The following SEM1 variants were observed in gnomAD, a reference collection of about 807,000 sequenced individuals.
SEM1 encodes SEM1 26S proteasome subunit, also known as 26S proteasome complex subunit SEM1.
In SEM1, 3 loss-of-function variants were observed where a neutral mutation model predicts 12.7. The observed-to-expected ratio is 0.24, with a 90% CI of 0.11 to 0.61. The LOEUF (loss-of-function observed/expected upper bound fraction) is 0.61. Among genes scored for constraint, SEM1 ranks in the 20% least tolerant of loss-of-function variants. The probability of loss-of-function intolerance (pLI) is 0.88; values close to 1 mark genes in which losing one functional copy is unlikely to be tolerated. For synonymous variants in SEM1, 30 were observed against 27.8 expected, an observed-to-expected ratio of 1.08 and a Z score of -0.25; for missense variants, 59 against 81.3, an observed-to-expected ratio of 0.73 and a Z score of 1.06.
At chr7:96,626,148 CA>C (rs1353181868) in intron 2 of SEM1, among the ~76,000 whole-genome samples, 1 of 152,050 alleles carries the variant, frequency 6.6e-6, no homozygotes, top group Non-Finnish European at 1.5e-5. Flanking sequence ...ACACATTAAC[CA>C]TCCCACCTCC....
At chr7:96,612,717 G>A (rs1430015190) in intron 2 of SEM1, among the ~76,000 whole-genome samples, 1 of 152,076 alleles carries the variant, frequency 6.6e-6, no homozygotes, top group Non-Finnish European at 1.5e-5. Flanking sequence ...CTCACTGCAA[G>A]CTCTGCCTCC....
At chr7:96,628,268 C>T (rs1344871200) in intron 2 of SEM1, among the ~76,000 whole-genome samples, 1 of 151,988 alleles carries the variant, frequency 6.6e-6, no homozygotes, top group African/African-American at 2.4e-5. Flanking sequence ...GTACTTACTC[C>T]TGCCATTTTG....
chr7:96,484,702 G>T, intron 3 of SEM1: 1 of 430,758 alleles, frequency 2.3e-6, no homozygotes, highest in Non-Finnish European at 4.1e-6. Context: ...ACCAAAAAGC[G>T]CCTCCCAAAT....
At chr7:96,524,352 A>G (rs1022258449) in intron 2 of SEM1, among the ~76,000 whole-genome samples, 41 of 152,192 alleles carry the variant, frequency 2.7e-4, no homozygotes, top group African/African-American at 9.6e-4. Context: ...TATTTGCATT[A>G]TGCAATATGG....
At chr7:96,666,200 G>A (rs1789167538) in intron 2 of SEM1, among the ~76,000 whole-genome samples, 1 of 152,128 alleles carries the variant, frequency 6.6e-6, no homozygotes, top group South Asian at 2.1e-4. Flanking sequence ...TTTTCCCAGT[G>A]TATGCATCAT....
At chr7:96,547,423 C>T (rs1309979313) in intron 2 of SEM1, among the ~76,000 whole-genome samples, 1 of 152,048 alleles carries the variant, frequency 6.6e-6, no homozygotes, top group Non-Finnish European at 1.5e-5. Flanking sequence ...CATTCATGGT[C>T]CAAAGGCAAA....
chr7:96,489,477 T>C (rs1251167765), intron 1 of SEM1, among the ~76,000 whole-genome samples: 1 of 152,194 alleles, frequency 6.6e-6, no homozygotes, highest in Non-Finnish European at 1.5e-5. Context: ...GTGATGGGTC[T>C]AAAACATTAG....
intron 2 of SEM1, 126 bp from the exon 3 acceptor site, chr7:96,689,092 G>C: frequency 1.9e-6 from 1 of 515,990 alleles, no homozygotes; most frequent in South Asian, 3.4e-5. Flanking sequence ...CCACTGAATA[G>C]TTTTACTTTT....
downstream of SEM1, among the ~76,000 whole-genome samples, chr7:96,617,632 G>T (rs1282209888): frequency 6.6e-6 from 1 of 152,116 alleles, no homozygotes; most frequent in African/African-American, 2.4e-5. Context: ...TAGAGAGAAT[G>T]CTTTCAACTT....
At chr7:96,702,809 C>CT (rs1790310138) in intron 1 of SEM1, among the ~76,000 whole-genome samples, 1 of 152,110 alleles carries the variant, frequency 6.6e-6, no homozygotes, top group Non-Finnish European at 1.5e-5. Context: ...GAATAATGTT[C>CT]CACCTAAAAA....
chr7:96,654,971 G>A (rs1809130612), intron 2 of SEM1, among the ~76,000 whole-genome samples: 1 of 152,186 alleles, frequency 6.6e-6, no homozygotes, highest in African/African-American at 2.4e-5. Context: ...TCCCTTGGCA[G>A]TATAGGGAGA....
intron 2 of SEM1, among the ~76,000 whole-genome samples, chr7:96,530,673 A>ATTCCTAAGCAGG (rs1166545055): frequency 2.6e-5 from 4 of 152,122 alleles, no homozygotes; most frequent in Admixed American, 2.6e-4. Flanking sequence ...ACCAGAAAAC[A>ATTCCTAAGCAGG]ATTCGGCGTA....
At chr7:96,487,139 A>G (rs1237026209) in intron 1 of SEM1, among the ~76,000 whole-genome samples, 1 of 140,326 alleles carries the variant, frequency 7.1e-6, no homozygotes, top group Non-Finnish European at 1.5e-5. Flanking sequence ...GGGAGAGACC[A>G]GTAAGTTACT....
At chr7:96,637,971 C>T (rs749340957) in intron 2 of SEM1, among the ~76,000 whole-genome samples, 7 of 152,000 alleles carry the variant, frequency 4.6e-5, no homozygotes, top group Non-Finnish European at 1.0e-4. Flanking sequence ...CATTTGTGTA[C>T]TTCTAGAGCA....
intron 3 of SEM1, among the ~76,000 whole-genome samples, chr7:96,501,689 G>A (rs147331650): frequency 8.5e-5 from 13 of 152,190 alleles, no homozygotes; most frequent in African/African-American, 2.9e-4. Flanking sequence ...ATTATTATGT[G>A]TGCAAAACAT....
chr7:96,593,614 G>A (rs1806904774), intron 2 of SEM1, among the ~76,000 whole-genome samples: 1 of 151,868 alleles, frequency 6.6e-6, no homozygotes, highest in Non-Finnish European at 1.5e-5. Flanking sequence ...CAGAAAATGG[G>A]GCTTTAACAT....
intron 2 of SEM1, among the ~76,000 whole-genome samples, chr7:96,528,176 C>T (rs1327275390): frequency 6.6e-6 from 1 of 152,078 alleles, no homozygotes; most frequent in Non-Finnish European, 1.5e-5. Context: ...TATGTATGCT[C>T]ATTTGCCCAA....
intron 1 of SEM1, among the ~76,000 whole-genome samples, chr7:96,704,896 T>C (rs548926162): frequency 2.0e-5 from 3 of 152,306 alleles, no homozygotes; most frequent in Admixed American, 6.5e-5. Flanking sequence ...CTCAATAGCA[T>C]TTTTCACAGG....
intron 2 of SEM1, among the ~76,000 whole-genome samples, chr7:96,566,671 A>G (rs964358115): frequency 6.6e-6 from 1 of 151,498 alleles, no homozygotes; most frequent in African/African-American, 2.4e-5. Context: ...ATCACCTTTT[A>G]TGGCTTCTAA....
Sources: allele counts gnomAD v4.1 joint callset (sites outside exome capture counted in the v4.1 genomes callset), GRCh38; gene constraint gnomAD v4.1.1; transcripts MANE v1.5; gene names NCBI Gene and HGNC (gene_info 2026-07-23, HGNC 2026-07-21).